MCPH1: variants seen among roughly 807,000 people sequenced by gnomAD.
MCPH1 encodes the protein microcephalin 1, also known as microcephalin.
A neutral mutation model predicts 84.5 loss-of-function variants in MCPH1; 104 were observed. That is an observed-to-expected ratio of 1.23 (90% CI 1.05 to 1.45). The LOEUF (loss-of-function observed/expected upper bound fraction) is 1.45, where lower values mean the gene tolerates loss of function less well. Ranked by LOEUF, MCPH1 falls within the 40% of genes most tolerant of loss-of-function variation. MCPH1 has a pLI of 0.00. For missense variants in MCPH1, 1,498 were observed against 1,005.7 expected (o/e 1.49, Z -6.62); for synonymous variants, 514 against 366.8 (o/e 1.40, Z -4.58).
At chr8:6,428,779 A>T (rs1047207048) in intron 3 of MCPH1, among the ~76,000 whole-genome samples, 2 of 152,200 alleles carry the variant, frequency 1.3e-5, no homozygotes, top group Non-Finnish European at 2.9e-5. Flanking sequence ...AGAAGAACTA[A>T]ATATTACAAG....
intron 12 of MCPH1, among the ~76,000 whole-genome samples, chr8:6,540,939 C>G (rs1446632566): frequency 2.0e-5 from 3 of 152,246 alleles, no homozygotes; most frequent in African/African-American, 7.2e-5. Context: ...GAACATCCAC[C>G]TGGGGCAAGA....
chr8:6,509,175 A>C (rs1019600771), intron 12 of MCPH1: 2 of 1,325,594 alleles, frequency 1.5e-6, no homozygotes, highest in Non-Finnish European at 2.1e-6. Context: ...TGTACTCGTT[A>C]ATGGACTAAT....
intron 8 of MCPH1, among the ~76,000 whole-genome samples, chr8:6,449,423 C>T (rs1050783781): frequency 6.6e-6 from 1 of 152,120 alleles, no homozygotes. Context: ...CACTTGAGGT[C>T]AGGAGTTCAA....
At chr8:6,551,539 G>C (rs1166851112) in intron 12 of MCPH1, among the ~76,000 whole-genome samples, 2 of 152,240 alleles carry the variant, frequency 1.3e-5, no homozygotes, top group East Asian at 3.9e-4. Flanking sequence ...TTGAGGGGCT[G>C]GTGTTCTGAT....
intron 11 of MCPH1, among the ~76,000 whole-genome samples, chr8:6,488,140 C>A (rs1392776626): frequency 6.6e-6 from 1 of 152,258 alleles, no homozygotes; most frequent in Non-Finnish European, 1.5e-5. Flanking sequence ...TCTGCGGAGG[C>A]TCCTGCAGGC....
chr8:6,587,553 T>C (rs754397425), intron 12 of MCPH1, among the ~76,000 whole-genome samples: 1 of 152,228 alleles, frequency 6.6e-6, no homozygotes, highest in Non-Finnish European at 1.5e-5. Context: ...TTTTCACTGT[T>C]ATGAATCTGA....
chr8:6,562,652 T>C, intron 12 of MCPH1: 1 of 1,571,304 alleles, frequency 6.4e-7, no homozygotes. Flanking sequence ...CCTACCTTCA[T>C]TAGCCACTGA....
chr8:6,483,837 G>A (rs1451979242), intron 11 of MCPH1, among the ~76,000 whole-genome samples: 1 of 152,030 alleles, frequency 6.6e-6, no homozygotes, highest in Non-Finnish European at 1.5e-5. Context: ...TGCAGCCTGG[G>A]TGACAGAGAG....
chr8:6,631,615 T>C (rs1797165439), intron 13 of MCPH1, among the ~76,000 whole-genome samples: 1 of 150,728 alleles, frequency 6.6e-6, no homozygotes, highest in Non-Finnish European at 1.5e-5. Context: ...CACAATGAGA[T>C]AGCACCTCAG....
At chr8:6,511,039 A>G (rs1715930382) in intron 12 of MCPH1, among the ~76,000 whole-genome samples, 1 of 152,208 alleles carries the variant, frequency 6.6e-6, no homozygotes. Flanking sequence ...ATTGAGATGA[A>G]CCACTTCCCT....
intron 9 of MCPH1, chr8:6,473,972 T>C: frequency 8.6e-7 from 1 of 1,168,410 alleles, no homozygotes; most frequent in East Asian, 2.4e-5. Flanking sequence ...CGTGGCTTCT[T>C]CATAAAGAAC....
Position 6,514,607 on chromosome 8 carries a change from G to C in MCPH1, c.2214+14678G>C, listed in dbSNP as rs1331723408. 3.6e-6 allele frequency: 5 copies of C among 1,375,946 alleles called. 1 individual carries two copies. Among genetic ancestry groups the C allele is most frequent in the Middle Eastern group, 3.6e-4 (2 of 5,590 alleles). The allele number at this position is 1,375,946 out of a possible 1,614,324, so 85.2% of individuals were successfully genotyped here. On this transcript the variant is annotated intron_variant, in intron 12 of 13. Coordinates refer to ENST00000344683, the MANE Select transcript of MCPH1 (RefSeq NM_024596.5). ...GGTTAGTTTGGGATTGGTGGTTAAG[G>C]TTCCGCAGATCTTGAAAGCTATTTT...
chr8:6,559,230 A>AACACAC (rs59299448), intron 12 of MCPH1, among the ~76,000 whole-genome samples: 1,765 of 146,084 alleles, frequency 0.012, 22 homozygotes, highest in East Asian at 0.079. Context: ...CACACACGAC[A>AACACAC]ACACACACAC....
At chr8:6,624,350 C>T (rs1831835512) in intron 13 of MCPH1, among the ~76,000 whole-genome samples, 1 of 152,208 alleles carries the variant, frequency 6.6e-6, no homozygotes, top group Non-Finnish European at 1.5e-5. Context: ...CTGCAGACCT[C>T]ACCCATGTGA....
chr8:6,614,232 A>C (rs937101417), intron 12 of MCPH1, among the ~76,000 whole-genome samples: 5 of 152,356 alleles, frequency 3.3e-5, no homozygotes, highest in Middle Eastern at 3.4e-3. Flanking sequence ...ACGGTTGTGC[A>C]GAGCCAGGGC....
intron 12 of MCPH1, among the ~76,000 whole-genome samples, chr8:6,566,514 A>G (rs1021065653): frequency 7.2e-5 from 11 of 152,022 alleles, no homozygotes; most frequent in Non-Finnish European, 8.8e-5. Flanking sequence ...GAGTGCACAC[A>G]GTACAGTGAC....
intron 12 of MCPH1, chr8:6,503,029 C>T (rs1268911996): frequency 2.1e-5 from 33 of 1,570,932 alleles, no homozygotes; most frequent in African/African-American, 5.4e-5. Flanking sequence ...AGTGCGCAGC[C>T]GTGACTTTCA....
At chr8:6,608,086 C>G (rs984042967) in intron 12 of MCPH1, among the ~76,000 whole-genome samples, 1 of 152,150 alleles carries the variant, frequency 6.6e-6, no homozygotes, top group Admixed American at 6.5e-5. Context: ...CTGGAGCCCA[C>G]AGCAGGACTC....
intron 9 of MCPH1, among the ~76,000 whole-genome samples, chr8:6,470,687 A>G (rs1296037187): frequency 6.6e-6 from 1 of 152,260 alleles, no homozygotes; most frequent in Non-Finnish European, 1.5e-5. Context: ...GTAACTCATG[A>G]ATACACATAA....
Sources: allele counts gnomAD v4.1 joint callset (sites outside exome capture counted in the v4.1 genomes callset), GRCh38; gene constraint gnomAD v4.1.1; transcripts MANE v1.5; gene names NCBI Gene and HGNC (gene_info 2026-07-23, HGNC 2026-07-21).